The following ACIN1 variants were observed in gnomAD, a reference collection of about 807,000 sequenced individuals.
The protein encoded by ACIN1 is apoptotic chromatin condensation inducer 1, also known as apoptotic chromatin condensation inducer in the nucleus.
ACIN1 carries 16 observed loss-of-function variants against 146.6 expected under a neutral mutation model. The observed-to-expected ratio is 0.11, with a 90% CI of 0.07 to 0.17. The LOEUF (loss-of-function observed/expected upper bound fraction) is 0.17, where lower values mean the gene tolerates loss of function less well. Among genes scored for constraint, ACIN1 ranks in the 10% least tolerant of loss-of-function variants. The pLI is 1.00. For missense variants in ACIN1, 1,357 were observed against 1,609.3 expected (o/e 0.84, Z 2.68); for synonymous variants, 569 against 582.7 (o/e 0.98, Z 0.34).
chr14:23,072,444 T>C (rs1351449948), intron 8 of ACIN1, among the ~76,000 whole-genome samples: 1 of 152,152 alleles, frequency 6.6e-6, no homozygotes, highest in Non-Finnish European at 1.5e-5. Flanking sequence ...AGAGTGCTGC[T>C]ATATGGGGCG....
chr14:23,070,822 T>C (rs1033271303), intron 8 of ACIN1, among the ~76,000 whole-genome samples: 2 of 151,970 alleles, frequency 1.3e-5, no homozygotes, highest in Non-Finnish European at 2.9e-5. Context: ...AGGGATGCAC[T>C]AGGGGGGTTA....
rs769534862 is a variant in ACIN1, at chr14:23,089,601, C to G, written c.436+381G>C. On this transcript the variant is annotated intron_variant, in intron 4 of 18. Transcript: ENST00000605057. ...ATGTGCCTGGTATACAACAAGTACA[C>G]AATAAAAATTTGTTGATTAAACCAC... Among the ~76,000 whole-genome samples the G allele has an allele frequency of 1.8e-4, 27 of 152,224 alleles. 1 individual carries two copies. The highest frequency in any genetic ancestry group is 3.4e-3 in the Middle Eastern group (1 of 294).
chr14:23,095,187 T>C (rs1261563541), upstream of ACIN1: 12 of 1,614,206 alleles, frequency 7.4e-6, no homozygotes, highest in South Asian at 1.1e-5. Flanking sequence ...CCTTCGAACG[T>C]ACCGAGATGA....
At chr14:23,081,949 A>G (rs1216118027) in intron 4 of ACIN1, 113 bp from the exon 5 acceptor site, 1 of 754,290 alleles carries the variant, frequency 1.3e-6, no homozygotes, top group Non-Finnish European at 2.1e-6. Context: ...GCCTATCAAG[A>G]CATATCTGTA....
chr14:23,071,260 C>T (rs2047639225), intron 8 of ACIN1: 6 of 1,511,396 alleles, frequency 4.0e-6, no homozygotes, highest in African/African-American at 1.4e-5. Flanking sequence ...CCACACCTTC[C>T]TTGTTCCAAG....
Position 23,059,327 on chromosome 14 carries a change from G to A in ACIN1, c.3673C>T (p.His1225Tyr). Reference sequence around the variant, plus strand: ...CTCTCCCTGTCCCTCTCCCGACTGTGCTCCCGACGTTTCTCTCGCTCCAGC... The same window carrying A: ...CTCTCCCTGTCCCTCTCCCGACTGTACTCCCGACGTTTCTCTCGCTCCAGC... Reference protein sequence around the residue: ...RQLEREKRREHSRERDRERER... With the variant: ...RQLEREKRREYSRERDRERER... Residue 1225 changes from histidine (H) to tyrosine (Y), a missense_variant, in exon 19 of 19, where the codon CAC becomes TAC. His to Tyr is a moderately conservative substitution (Grantham distance 83). Around this residue, in one of 4 missense-constraint regions of ACIN1, gnomAD observed 509 missense variants for 719.6 expected, o/e 0.71. Coordinates refer to ENST00000605057, the MANE Select transcript of ACIN1 (RefSeq NM_001386863.1). The A allele has an allele frequency of 1.9e-6, 3 of 1,601,062 alleles. No homozygotes were observed. Among genetic ancestry groups the A allele is most frequent in the Non-Finnish European group, 1.7e-6 (2 of 1,168,364 alleles).
Position 23,080,399 on chromosome 14 carries a change from TTCC to T in ACIN1, c.933_935del (p.Glu313del), listed in dbSNP as rs1594773359. On this transcript the variant is annotated inframe_deletion, in exon 6 of 19. Coordinates refer to ENST00000605057, the MANE Select transcript of ACIN1 (RefSeq NM_001386863.1). Reference sequence around the variant, plus strand: ...CTTGTGAAGATTTTATTTCTCTTTCTTCCTCCTCAAGGGGAGATGTTGTTTTCA... The same window carrying T: ...CTTGTGAAGATTTTATTTCTCTTTCTTCCTCAAGGGGAGATGTTGTTTTCA... The T allele has an allele frequency of 6.2e-7, 1 of 1,614,196 alleles. No homozygotes were observed. Among genetic ancestry groups the T allele is most frequent in the Non-Finnish European group, 8.5e-7 (1 of 1,180,026 alleles).
In ACIN1 at chr14:23,094,411, C is replaced by A; in HGVS notation, c.138+564G>T. The A allele has an allele frequency of 4.2e-6, 4 of 946,402 alleles. 1 individual carries two copies. Among genetic ancestry groups the A allele is most frequent in the Non-Finnish European group, 5.0e-6 (4 of 794,492 alleles). 58.6% of individuals were successfully genotyped at this position (946,402 alleles called of 1,614,324 possible). On this transcript the variant is annotated intron_variant, in intron 1 of 18. Coordinates refer to ENST00000605057, the MANE Select transcript of ACIN1 (RefSeq NM_001386863.1). ...CCAATATTCACCAAACTCTTAACCACCCAAATTGCCACTAGATGCCACTAA... is the reference window on the plus strand; with the variant it reads ...CCAATATTCACCAAACTCTTAACCAACCAAATTGCCACTAGATGCCACTAA...
At chr14:23,081,262 GT>G (rs1384606429) in intron 5 of ACIN1, among the ~76,000 whole-genome samples, 1 of 107,588 alleles carries the variant, frequency 9.3e-6, no homozygotes, top group Non-Finnish European at 1.8e-5. Flanking sequence ...TGCCCACTTA[GT>G]GTTATATAAC....
intron 4 of ACIN1, among the ~76,000 whole-genome samples, chr14:23,088,543 T>A (rs1348789884): frequency 6.6e-6 from 1 of 152,224 alleles, no homozygotes; most frequent in African/African-American, 2.4e-5. Context: ...CTGCTCAGCC[T>A]TTTAACTAAA....
intron 16 of ACIN1, 91 bp from the exon 17 acceptor site, chr14:23,061,713 C>T: frequency 8.3e-7 from 1 of 1,199,200 alleles, no homozygotes; most frequent in Non-Finnish European, 1.1e-6. Context: ...GTGGCTCACG[C>T]CTGTAATCCC....
chr14:23,077,655 C>T (rs983878798), intron 8 of ACIN1: 5 of 152,778 alleles, frequency 3.3e-5, no homozygotes, highest in Admixed American at 1.3e-4. Flanking sequence ...ATTTGCTGTA[C>T]TGTATGCTGT....
chr14:23,066,272 C>T, intron 9 of ACIN1: 1 of 371,528 alleles, frequency 2.7e-6, no homozygotes, highest in South Asian at 3.6e-5. Flanking sequence ...CGTATCACAC[C>T]TGTGTATTAG....
At chr14:23,069,036 G>A (rs777809994) in intron 9 of ACIN1, 23 of 987,140 alleles carry the variant, frequency 2.3e-5, no homozygotes, top group Non-Finnish European at 2.5e-5. Flanking sequence ...GGGCAGAGGA[G>A]GAACAAAAAT....
Position 23,064,087 on chromosome 14 carries a change from G to A in ACIN1, c.2595+18C>T, listed in dbSNP as rs748554203. The A allele has an allele frequency of 1.2e-6, 2 of 1,613,620 alleles. No individual in the cohort carries two copies. The highest frequency in any genetic ancestry group is 1.6e-4 in the Middle Eastern group (1 of 6,062). ...CTGCTCCCACCTTTCCCCTGACACT[G>A]GGGTGCAGAAGCCTTACCTGAGTGA... On this transcript the variant is annotated intron_variant, in intron 12 of 18. Coordinates refer to ENST00000605057, the MANE Select transcript of ACIN1 (RefSeq NM_001386863.1).
At chr14:23,071,452 G>A in intron 8 of ACIN1, 2 of 1,551,728 alleles carry the variant, frequency 1.3e-6, no homozygotes, top group Non-Finnish European at 8.7e-7. Context: ...CGGCTGGATT[G>A]GTCTCTCTGG....
intron 4 of ACIN1, 29 bp downstream of exon 4, chr14:23,089,953 A>T: frequency 6.4e-7 from 1 of 1,564,066 alleles, no homozygotes; most frequent in Non-Finnish European, 8.7e-7. Context: ...GGATTGACAA[A>T]ACAGCGCAGT....
chr14:23,066,117 TAGAGTGAG>T, intron 9 of ACIN1, 109 bp from the exon 10 acceptor site: 1 of 817,800 alleles, frequency 1.2e-6, no homozygotes, highest in Non-Finnish European at 2.0e-6. Context: ...AAGACACAGA[TAGAGTGAG>T]AGAGAGAGAC....
At chr14:23,073,551 G>A (rs1005850077) in intron 8 of ACIN1, among the ~76,000 whole-genome samples, 4 of 152,078 alleles carry the variant, frequency 2.6e-5, no homozygotes, top group African/African-American at 4.8e-5. Context: ...CCAGCTACTC[G>A]GGAGGCTGAG....
Sources: allele counts gnomAD v4.1 joint callset (sites outside exome capture counted in the v4.1 genomes callset), GRCh38; gene constraint gnomAD v4.1.1; regional missense constraint gnomAD v4.1.1; transcripts MANE v1.5; gene names NCBI Gene and HGNC (gene_info 2026-07-23, HGNC 2026-07-21).